CACNA1I: variants seen among roughly 807,000 people sequenced by gnomAD.
CACNA1I encodes the protein voltage-dependent T-type calcium channel subunit alpha-1I.
CACNA1I carries 74 observed loss-of-function variants against 201.6 expected under a neutral mutation model. The observed-to-expected ratio is 0.37, with a 90% confidence interval of 0.30 to 0.45. The LOEUF (loss-of-function observed/expected upper bound fraction) is 0.45. CACNA1I is among the 20% of genes least tolerant of loss of function. The probability of loss-of-function intolerance (pLI) is 1.00; values close to 1 mark genes in which losing one functional copy is unlikely to be tolerated. For missense variants in CACNA1I, 2,346 were observed against 3,138.1 expected (o/e 0.75, Z 6.03); for synonymous variants, 1,431 against 1,345.2 (o/e 1.06, Z -1.40).
chr22:39,663,382 T>G (rs994428142), intron 18 of CACNA1I, among the ~76,000 whole-genome samples: 1 of 152,136 alleles, frequency 6.6e-6, no homozygotes, highest in African/African-American at 2.4e-5. Flanking sequence ...AGGAGCCTGG[T>G]GCAGGGGCAG....
Position 39,598,275 on chromosome 22 carries a change from C to CG in CACNA1I, c.348+13_348+14insG. 1 of 1,307,388 alleles carries CG rather than the reference C, an allele frequency of 7.6e-7. No homozygotes were observed. Among genetic ancestry groups the CG allele is most frequent in the Non-Finnish European group, 1.0e-6 (1 of 969,772 alleles). The allele number at this position is 1,307,388 out of a possible 1,614,324, so 81.0% of individuals were successfully genotyped here. A position where few individuals can be genotyped will look rare whatever the true frequency, so the allele number is the denominator to read the frequency against. ...CAAGATCCTGCAGGTGAGCCGGCCGCCCCGCCCCGCCCCGCCCTGCCCTCA... is the reference window on the plus strand; with the variant it reads ...CAAGATCCTGCAGGTGAGCCGGCCGCGCCCGCCCCGCCCCGCCCTGCCCTCA... On this transcript the variant is annotated intron_variant, in intron 2 of 36. Transcript: ENST00000402142.
rs142493486 is a variant in CACNA1I at position 39,582,389 on chromosome 22, T to C, written c.236+11401T>C. Among the ~76,000 whole-genome samples, 1,005 of 152,260 alleles carry C rather than the reference T, an allele frequency of 6.6e-3. 7 individuals carry two copies. The highest frequency in any genetic ancestry group is 0.01 in the Non-Finnish European group (686 of 68,020). On this transcript the variant is annotated intron_variant, in intron 1 of 36. Transcript: ENST00000402142. The stretch of plus-strand genomic sequence containing the variant: ...TTGCTCCAACGTGGGGAGGATGTGC[T>C]ACTGGTTTCTAGTGGGTAAAGGCCA...
At chr22:39,588,353 C>T (rs1407467770) in intron 1 of CACNA1I, among the ~76,000 whole-genome samples, 1 of 147,108 alleles carries the variant, frequency 6.8e-6, no homozygotes, top group Non-Finnish European at 1.5e-5. Flanking sequence ...TCCTAATGTG[C>T]AGTTCAAGGC....
chr22:39,644,186 G>A (rs777563946), intron 7 of CACNA1I, among the ~76,000 whole-genome samples: 1 of 152,208 alleles, frequency 6.6e-6, no homozygotes, highest in Non-Finnish European at 1.5e-5. Flanking sequence ...CAGTGTGGGA[G>A]CCACAAGCCC....
chr22:39,664,117 C>T lies in CACNA1I; in HGVS notation c.3624C>T (p.Asn1208=), dbSNP rs751903240. 6.2e-6 allele frequency: 10 copies of T among 1,613,670 alleles called. No homozygotes were observed. The highest frequency in any genetic ancestry group is 8.5e-6 in the Non-Finnish European group (10 of 1,179,778). The change falls in exon 20 of 37, where the codon AAC becomes AAT. Residue 1208 remains asparagine (N), a synonymous_variant. Coordinates refer to ENST00000402142, the MANE Select transcript of CACNA1I (RefSeq NM_021096.4). The part of the protein sequence containing the change: ...STERIFLTVS[N]YIFTAIFVGE... ...AACGCATCTTTCTCACCGTGTCCAA[C>T]TACATCTTCACGGCCATCTTCGTGG...
At chr22:39,585,102 C>T (rs779069486) in intron 1 of CACNA1I, among the ~76,000 whole-genome samples, 1 of 152,170 alleles carries the variant, frequency 6.6e-6, no homozygotes, top group Non-Finnish European at 1.5e-5. Flanking sequence ...TTTTGTTGCT[C>T]AGGCTGGAGC....
chr22:39,596,158 T>C (rs890568246), intron 1 of CACNA1I, among the ~76,000 whole-genome samples: 497 of 16,238 alleles, frequency 0.031, no homozygotes, highest in Middle Eastern at 0.13. Context: ...GGGAGCAGGG[T>C]GGAGAGAGAT....
At chr22:39,619,572 C>G (rs1005346596) in intron 4 of CACNA1I, among the ~76,000 whole-genome samples, 165 bp downstream of exon 4, 7 of 148,830 alleles carry the variant, frequency 4.7e-5, no homozygotes, top group Non-Finnish European at 1.0e-4. Flanking sequence ...TCTATCTAGA[C>G]AGATGTGCCC....
chr22:39,650,461 CT>C (rs539720859), intron 10 of CACNA1I, among the ~76,000 whole-genome samples: 137 of 152,286 alleles, frequency 9.0e-4, no homozygotes, highest in Non-Finnish European at 1.2e-3. Context: ...CACCTGGGCC[CT>C]TCTGTCCATT....
In CACNA1I at chr22:39,679,712, G is replaced by T; in HGVS notation, c.5395-10G>T. On this transcript the variant is annotated splice_polypyrimidine_tract_variant and intron_variant, in intron 32 of 36. Transcript: ENST00000402142. ...TCCCGCCTGTCCCCACCCCGTCCCC[G>T]TCCGCCTAGGAGAACCTGTGGCTGG... The T allele has an allele frequency of 6.7e-7, 1 of 1,498,864 alleles. No homozygotes were observed. Among genetic ancestry groups the T allele is most frequent in the Non-Finnish European group, 9.0e-7 (1 of 1,108,238 alleles). The allele number at this position is 1,498,864 out of a possible 1,614,324, so 92.8% of individuals were successfully genotyped here.
intron 16 of CACNA1I, 60 bp downstream of exon 16, chr22:39,661,370 C>A: frequency 7.7e-7 from 1 of 1,302,096 alleles, no homozygotes; most frequent in Non-Finnish European, 1.0e-6. Flanking sequence ...GTGGAGGGGC[C>A]CTGAAGAGAG....
intron 3 of CACNA1I, 144 bp from the exon 4 acceptor site, chr22:39,619,166 C>G (rs984015469): frequency 4.5e-6 from 3 of 662,132 alleles, no homozygotes; most frequent in Non-Finnish European, 8.1e-6. Context: ...CACATGTTGG[C>G]CAGGTGTAGC....
chr22:39,582,195 G>A (rs913885684), intron 1 of CACNA1I, among the ~76,000 whole-genome samples: 2 of 152,198 alleles, frequency 1.3e-5, no homozygotes, highest in Admixed American at 6.5e-5. Flanking sequence ...CCAAGGTACA[G>A]TTTGGGCTTC....
chr22:39,641,063 A>G lies in CACNA1I; in HGVS notation c.937A>G (p.Ser313Gly). Residue 313 changes from serine to glycine, a missense_variant, in exon 6 of 37, where the codon AGC becomes GGC. Physicochemically the swap from Ser to Gly is moderately conservative, Grantham distance 56 (BLOSUM62 0). Transcript: ENST00000402142. ...GGCGGGGCGCCAGGACCTCAATGCC[A>G]GCGGCCTCTGTGTCAACTGGAACCG... ...FGAGRQDLNA[S>G]GLCVNWNRYY... 1 of 1,614,040 alleles carries G rather than the reference A, an allele frequency of 6.2e-7. No homozygotes were observed. Among genetic ancestry groups the G allele is most frequent in the Non-Finnish European group, 8.5e-7 (1 of 1,179,902 alleles).
chr22:39,621,653 T>C (rs937594020), intron 4 of CACNA1I, among the ~76,000 whole-genome samples: 1 of 151,724 alleles, frequency 6.6e-6, no homozygotes, highest in African/African-American at 2.4e-5. Flanking sequence ...GGGGCTGGGG[T>C]CTCAAGGTCA....
intron 1 of CACNA1I, among the ~76,000 whole-genome samples, chr22:39,575,504 A>C (rs1460395725): frequency 1.3e-5 from 2 of 152,112 alleles, no homozygotes; most frequent in African/African-American, 4.8e-5. Context: ...CTGTAGATTC[A>C]ATTAGACATT....
In CACNA1I at chr22:39,677,068, A is replaced by C. The variant is rs1935532555; in HGVS notation, c.4855-273A>C. Among the ~76,000 whole-genome samples the C allele has an allele frequency of 6.6e-6, 1 of 152,188 alleles. No individual in the cohort carries two copies. Among genetic ancestry groups the C allele is most frequent in the African/African-American group, 2.4e-5 (1 of 41,434 alleles). On this transcript the variant is annotated intron_variant, in intron 29 of 36. Transcript: ENST00000402142. This position sits in a 1 kb window ranked among gnomAD's most constrained non-coding sequence, Gnocchi z 4.8. The stretch of plus-strand genomic sequence containing the variant: ...TAGTTCGTGGATTATTGTGAGGAGG[A>C]AGTGAGCTCATGAACCTTAAGTGCT...
intron 8 of CACNA1I, among the ~76,000 whole-genome samples, chr22:39,647,151 C>G (rs1475404012): frequency 3.4e-5 from 4 of 117,364 alleles, no homozygotes; most frequent in Non-Finnish European, 7.1e-5. Context: ...GTGGAGATAG[C>G]AGATCGGCCT....
At chr22:39,675,832 T>A (rs1935499597) in intron 29 of CACNA1I, among the ~76,000 whole-genome samples, 1 of 152,096 alleles carries the variant, frequency 6.6e-6, no homozygotes, top group Admixed American at 6.5e-5. Context: ...GCCAAGGCAC[T>A]GTGGGGCTGT....
Sources: gnomAD v4.1 joint callset for allele counts (sites outside exome capture counted in the v4.1 genomes callset) on GRCh38, gnomAD v4.1.1 for gene constraint, Gnocchi (gnomAD v3.1) non-coding constraint, MANE v1.5 for transcripts, NCBI Gene and HGNC (gene_info 2026-07-23, HGNC 2026-07-21) for gene names.